The following HIVEP3 variants were observed in gnomAD, a reference collection of about 807,000 sequenced individuals.
HIVEP3 encodes the protein HIVEP zinc finger 3.
HIVEP3 carries 49 observed loss-of-function variants against 152.8 expected under a neutral mutation model. The ratio of observed to expected loss-of-function variants is 0.32; its 90% CI spans 0.26 to 0.41. The LOEUF is 0.41. HIVEP3 is among the 10% of genes least tolerant of loss of function. The pLI, the probability that HIVEP3 is intolerant of heterozygous loss-of-function variation, is 1.00. For synonymous variants in HIVEP3, 1,269 were observed against 1,289.0 expected, an observed-to-expected ratio of 0.98 and a Z score of 0.33; for missense variants, 2,790 against 3,103.3, an observed-to-expected ratio of 0.90 and a Z score of 2.40.
At chr1:42,007,050 G>T (rs1032512843) in intron 1 of HIVEP3, among the ~76,000 whole-genome samples, 12 of 152,198 alleles carry the variant, frequency 7.9e-5, no homozygotes, top group African/African-American at 2.7e-4. Context: ...GTGTACAGAA[G>T]CTTCTGCCTA....
chr1:41,560,999 T>C (rs753216814), intron 5 of HIVEP3, among the ~76,000 whole-genome samples: 1 of 152,216 alleles, frequency 6.6e-6, no homozygotes, highest in Non-Finnish European at 1.5e-5. Context: ...AGCTTCCTCC[T>C]TATGGAGACA....
At chr1:41,986,111 T>G (rs1645320940) in intron 1 of HIVEP3, among the ~76,000 whole-genome samples, 1 of 152,164 alleles carries the variant, frequency 6.6e-6, no homozygotes, top group South Asian at 2.1e-4. Flanking sequence ...TGTACCTTAG[T>G]TTCCTCATCT....
At chr1:41,540,238 C>T (rs1315434824) in intron 5 of HIVEP3, among the ~76,000 whole-genome samples, 2 of 152,210 alleles carry the variant, frequency 1.3e-5, no homozygotes, top group East Asian at 1.9e-4. Flanking sequence ...CCTGAGACCT[C>T]GGTGTTCCTG....
chr1:41,520,989 TCA>T (rs1642745669), intron 6 of HIVEP3, among the ~76,000 whole-genome samples: 2 of 152,162 alleles, frequency 1.3e-5, no homozygotes, highest in African/African-American at 2.4e-5. Context: ...GACCCAGGTC[TCA>T]AGACTCGGGG....
In HIVEP3 at chr1:41,510,289, C is replaced by G. The variant is rs1408246883; in HGVS notation, c.*162G>C. On this transcript the variant is annotated 3_prime_UTR_variant, in exon 9 of 9. Transcript: ENST00000372583. ...AAGCAACAAAAGGTGTAGAAAAAGG[C>G]ACAGGTAACTGCATACATGGGAAGG... 1 of 467,616 alleles carries G rather than the reference C, an allele frequency of 2.1e-6. No homozygotes were observed. Among genetic ancestry groups the G allele is most frequent in the Non-Finnish European group, 3.6e-6 (1 of 278,056 alleles). 29.0% of individuals were successfully genotyped at this position (467,616 alleles called of 1,614,324 possible). A position where few individuals can be genotyped will look rare whatever the true frequency, so the allele number is the denominator to read the frequency against.
chr1:41,737,328 C>T (rs1646933664), intron 1 of HIVEP3, among the ~76,000 whole-genome samples: 1 of 152,170 alleles, frequency 6.6e-6, no homozygotes, highest in South Asian at 2.1e-4. Flanking sequence ...ATACTCTTGC[C>T]GTTCCCACTG....
intron 3 of HIVEP3, among the ~76,000 whole-genome samples, chr1:41,605,108 T>TA (rs76841605): frequency 0.062 from 5,170 of 83,870 alleles, 169 homozygotes; most frequent in Middle Eastern, 0.083. Context: ...CTGTCTCCAA[T>TA]AAAAAAAAAA....
intron 1 of HIVEP3, among the ~76,000 whole-genome samples, chr1:41,845,958 T>G (rs1009150008): frequency 1.3e-5 from 2 of 152,136 alleles, no homozygotes; most frequent in East Asian, 3.8e-4. Flanking sequence ...TCCCAACTAC[T>G]CTGGAGGCTG....
intron 5 of HIVEP3, among the ~76,000 whole-genome samples, chr1:41,528,273 C>T: frequency 7.5e-6 from 1 of 133,758 alleles, no homozygotes; most frequent in South Asian, 2.7e-4. Context: ...CCCTCACACA[C>T]CCTCACATAC....
Position 41,868,197 on chromosome 1 carries a change from G to GT in HIVEP3, c.-801+50215dup, listed in dbSNP as rs56784921. ...AGTAGTTATATAATAGTTTGTGGGG[G>GT]TTTTTTTTTTTTTGGTCTTGTTTTT... is the stretch of plus-strand genomic sequence containing the variant. On this transcript the variant is annotated intron_variant, in intron 1 of 8. Coordinates refer to ENST00000372583, the MANE Select transcript of HIVEP3 (RefSeq NM_024503.5). Among the ~76,000 whole-genome samples the GT allele has an allele frequency of 5.9e-3, 861 of 146,128 alleles. 7 individuals carry two copies. The highest frequency in any genetic ancestry group is 0.01 in the African/African-American group (415 of 39,822).
At chr1:41,897,938 GGAGAGAGAGAGAGA>G (rs71065103) in intron 1 of HIVEP3, among the ~76,000 whole-genome samples, 150 of 130,086 alleles carry the variant, frequency 1.2e-3, no homozygotes, top group African/African-American at 3.8e-3. Flanking sequence ...TGAGAGAGAG[GGAGAGAGAGAGAGA>G]GAGAGAGAGA....
intron 1 of HIVEP3, among the ~76,000 whole-genome samples, chr1:41,950,253 T>C (rs1165600832): frequency 6.6e-6 from 1 of 152,210 alleles, no homozygotes; most frequent in Non-Finnish European, 1.5e-5. Context: ...CTACCCTCTT[T>C]GGGTCCCCTC....
chr1:41,997,127 G>C (rs1443763817), intron 1 of HIVEP3, among the ~76,000 whole-genome samples: 1 of 152,222 alleles, frequency 6.6e-6, no homozygotes, highest in African/African-American at 2.4e-5. Flanking sequence ...TCTATGGCAG[G>C]GGGAGGGAAC....
At chr1:41,899,492 T>C (rs1570767520) in intron 1 of HIVEP3, among the ~76,000 whole-genome samples, 2 of 152,298 alleles carry the variant, frequency 1.3e-5, no homozygotes, top group South Asian at 4.1e-4. Flanking sequence ...CTGCAGCCTC[T>C]GCTGCCCGGG....
rs146456253 is a variant in HIVEP3, at chr1:41,894,480, A to T, written c.-801+23933T>A. Among the ~76,000 whole-genome samples the T allele has an allele frequency of 2.5e-3, 375 of 152,268 alleles. 2 individuals are homozygous for T. Among genetic ancestry groups the T allele is most frequent in the African/African-American group, 8.5e-3 (353 of 41,544 alleles). The stretch of plus-strand genomic sequence containing the variant: ...AATGTGGCTTCTCAACCTTCATTCC[A>T]TGTTAACCTTATACTGTTTACATTA... On this transcript the variant is annotated intron_variant, in intron 1 of 8. Coordinates refer to ENST00000372583, the MANE Select transcript of HIVEP3 (RefSeq NM_024503.5).
intron 1 of HIVEP3, among the ~76,000 whole-genome samples, chr1:41,970,603 G>A (rs768653477): frequency 6.6e-6 from 1 of 152,156 alleles, no homozygotes; most frequent in Non-Finnish European, 1.5e-5. Flanking sequence ...TAATACCTAG[G>A]TAATGGGTTG....
At chr1:41,920,550 T>A (rs1428131211), upstream of HIVEP3, among the ~76,000 whole-genome samples, 2 of 151,272 alleles carry the variant, frequency 1.3e-5, no homozygotes, top group African/African-American at 4.9e-5. Context: ...TAAAAAAAAA[T>A]CAGTAAGACT....
intron 1 of HIVEP3, among the ~76,000 whole-genome samples, chr1:41,742,145 C>T (rs1647006249): frequency 6.6e-6 from 1 of 152,208 alleles, no homozygotes; most frequent in African/African-American, 2.4e-5. Context: ...ATCTTATCCA[C>T]CCAACCATCT....
intron 1 of HIVEP3, among the ~76,000 whole-genome samples, chr1:41,930,720 C>T (rs1644992519): frequency 1.3e-5 from 2 of 152,108 alleles, no homozygotes. Context: ...TACCATTGTG[C>T]ATTCTTAACA....
Sources: gnomAD v4.1 joint callset for allele counts (sites outside exome capture counted in the v4.1 genomes callset) on GRCh38, gnomAD v4.1.1 for gene constraint, MANE v1.5 for transcripts, NCBI Gene and HGNC (gene_info 2026-07-23, HGNC 2026-07-21) for gene names.